Variants in UGT2A1 observed in about 807,000 individuals in gnomAD.
The protein encoded by UGT2A1 is UDP-glucuronosyltransferase 2A1.
A neutral mutation model predicts 45.4 loss-of-function variants in UGT2A1; 61 were observed. The ratio of observed to expected loss-of-function variants is 1.34; its 90% confidence interval spans 1.09 to 1.66. The LOEUF (loss-of-function observed/expected upper bound fraction) is 1.66, where lower values mean the gene tolerates loss of function less well. Among genes scored for constraint, UGT2A1 ranks in the 40% most tolerant of loss-of-function variants. The pLI is 0.00. For missense variants in UGT2A1, 649 were observed against 574.3 expected (o/e 1.13, Z -1.33); for synonymous variants, 229 against 196.2 (o/e 1.17, Z -1.40).
chr4:69,594,230 T>A (rs917204000), intron 6 of UGT2A1, among the ~76,000 whole-genome samples: 8 of 152,082 alleles, frequency 5.3e-5, no homozygotes, highest in African/African-American at 1.9e-4. Flanking sequence ...ACCCTCAGCC[T>A]CCCAAAGTGC....
At position 69,589,384 on chromosome 4, in the gene UGT2A1, TTTC is replaced by T; in HGVS notation, c.1569_1571del (p.Lys525del). ...TCTTTTTCTTGACCTATTCTCTTTTTTTCTTCTTTCCTATCTTACCAAATTTTT... is the reference window on the plus strand; with the variant it reads ...TCTTTTTCTTGACCTATTCTCTTTTTTTCTTTCCTATCTTACCAAATTTTT... On this transcript the variant is annotated inframe_deletion, in exon 7 of 7. Coordinates refer to ENST00000286604, the MANE Select transcript of UGT2A1 (RefSeq NM_001252275.3). 2 of 1,611,314 alleles carry T rather than the reference TTTC, an allele frequency of 1.2e-6. No individual in the cohort carries two copies. Among genetic ancestry groups the T allele is most frequent in the South Asian group, 2.2e-5 (2 of 90,770 alleles).
At chr4:69,639,781 T>C (rs1385181446) in intron 2 of UGT2A1, 1 of 840,972 alleles carries the variant, frequency 1.2e-6, no homozygotes, top group Non-Finnish European at 1.7e-6. Context: ...ATAATATAAT[T>C]CAAATTCCTA....
chr4:69,612,017 A>G (rs1157803547), intron 3 of UGT2A1, among the ~76,000 whole-genome samples: 1 of 152,094 alleles, frequency 6.6e-6, no homozygotes, highest in East Asian at 1.9e-4. Flanking sequence ...CTCAGAATTA[A>G]CATAGTCAGC....
At chr4:69,597,715 A>AACACAC (rs71671445) in intron 4 of UGT2A1, among the ~76,000 whole-genome samples, 1,943 of 150,336 alleles carry the variant, frequency 0.013, 37 homozygotes, top group African/African-American at 0.045. Flanking sequence ...TCATTAAAAT[A>AACACAC]ACACACACAC....
At chr4:69,614,156 A>G (rs1720235086) in intron 3 of UGT2A1, among the ~76,000 whole-genome samples, 1 of 151,932 alleles carries the variant, frequency 6.6e-6, no homozygotes, top group Non-Finnish European at 1.5e-5. Context: ...ACATACAAAT[A>G]TCAGTGGCAT....
chr4:69,644,517 A>G (rs1722170830), intron 2 of UGT2A1, among the ~76,000 whole-genome samples: 1 of 151,688 alleles, frequency 6.6e-6, no homozygotes, highest in South Asian at 2.1e-4. Context: ...AGATTTTGCC[A>G]TCTTGACAGT....
intron 3 of UGT2A1, among the ~76,000 whole-genome samples, chr4:69,626,392 G>A (rs1400675258): frequency 2.7e-5 from 4 of 150,778 alleles, no homozygotes; most frequent in African/African-American, 4.9e-5. Context: ...TTTTATATAC[G>A]TATGTATACA....
chr4:69,625,488 T>C (rs980119484), intron 3 of UGT2A1, among the ~76,000 whole-genome samples: 3 of 151,428 alleles, frequency 2.0e-5, no homozygotes, highest in Non-Finnish European at 4.4e-5. Context: ...TTTGTATAGT[T>C]TCTATTACTA....
chr4:69,616,352 T>A (rs1447598792), intron 3 of UGT2A1, among the ~76,000 whole-genome samples: 1 of 151,936 alleles, frequency 6.6e-6, no homozygotes, highest in Non-Finnish European at 1.5e-5. Flanking sequence ...TAATAATTTG[T>A]GTGTTTTAAA....
At chr4:69,638,773 A>T (rs1421024860) in intron 2 of UGT2A1, 1 of 1,203,070 alleles carries the variant, frequency 8.3e-7, no homozygotes, top group African/African-American at 1.5e-5. Context: ...AATTGTTTGT[A>T]CAGAGATATA....
In UGT2A1 at chr4:69,595,238, T is replaced by C. The variant is rs1718852969; in HGVS notation, c.1008A>G (p.Arg336=). 6.2e-7 allele frequency: 1 copy of C among 1,613,770 alleles called. No individual in the cohort carries two copies. The highest frequency in any genetic ancestry group is 1.1e-5 in the South Asian group (1 of 91,080). Residue 336 remains arginine (R), a synonymous_variant, in exon 5 of 7, where the codon AGA becomes AGG. Coordinates refer to ENST00000286604, the MANE Select transcript of UGT2A1 (RefSeq NM_001252275.3). The part of the protein sequence containing the change: ...PAKPLPKVLW[R]YKGKKPATLG... ...ATGTGGCTGGTTTCTTTCCTTTGTA[T>C]CTCCATAAAACCTGTGGAAAATGGT... is the stretch of plus-strand genomic sequence containing the variant.
chr4:69,599,379 A>G lies in UGT2A1; in HGVS notation c.863T>C (p.Leu288Ser). Residue 288 changes from leucine (L) to serine (S), a missense_variant, in exon 4 of 7, where the codon TTA (leucine) becomes TCA (serine). Transcript: ENST00000286604. ...YRLPAGRPTT[L>S]CETMGKAEIW... ...TTCAGCTTTCCCCATAGTCTCACAT[A>G]ACGTAGTGGGTCTTCCTGGAGAAAA... is the stretch of plus-strand genomic sequence containing the variant. 6 of 1,613,648 alleles carry G rather than the reference A, an allele frequency of 3.7e-6. No individual in the cohort carries two copies. The highest frequency in any genetic ancestry group is 1.1e-5 in the South Asian group (1 of 91,014).
At position 69,650,859 on chromosome 4, in the gene UGT2A1, G is replaced by A. The variant is rs1271096456; in HGVS notation, c.-55+2329C>T. Reference sequence around the variant, plus strand: ...CTTCCAGCTTTTTGGGGGGATTAACGGTAGGGTGGAGGATAGGAAAGTCTT... The same window carrying A: ...CTTCCAGCTTTTTGGGGGGATTAACAGTAGGGTGGAGGATAGGAAAGTCTT... On this transcript the variant is annotated intron_variant, in intron 1 of 6. Transcript: ENST00000286604. 1.2e-4 allele frequency among the ~76,000 whole-genome samples: 18 copies of A among 152,192 alleles called. No homozygotes were observed. In the South Asian group the frequency reaches 3.3e-3, roughly 28 times the overall value.
intron 2 of UGT2A1, 100 bp downstream of exon 2, chr4:69,646,830 C>T (rs982972063): frequency 1.2e-6 from 1 of 811,466 alleles, no homozygotes; most frequent in South Asian, 2.0e-5. Flanking sequence ...TACATCAATA[C>T]TTGGAATTAA....
chr4:69,592,758 C>T (rs988484233), intron 6 of UGT2A1, among the ~76,000 whole-genome samples: 2 of 150,908 alleles, frequency 1.3e-5, no homozygotes, highest in South Asian at 4.2e-4. Context: ...AACTGGTGCT[C>T]CAGAAGTAAA....
intron 2 of UGT2A1, among the ~76,000 whole-genome samples, chr4:69,636,542 A>C (rs2109964656): frequency 6.6e-6 from 1 of 152,192 alleles, no homozygotes; most frequent in Admixed American, 6.5e-5. Context: ...TTATTTTGTA[A>C]AGGTGAGAAG....
intron 3 of UGT2A1, among the ~76,000 whole-genome samples, chr4:69,634,323 A>T (rs1296577343): frequency 1.3e-5 from 2 of 152,068 alleles, no homozygotes; most frequent in African/African-American, 4.8e-5. Context: ...AAAGCTACAT[A>T]TAAGAAGGAA....
chr4:69,625,640 C>T (rs1177604045), intron 3 of UGT2A1, among the ~76,000 whole-genome samples: 1 of 150,956 alleles, frequency 6.6e-6, no homozygotes, highest in East Asian at 1.9e-4. Flanking sequence ...TCATTATATG[C>T]TTACTTTTAT....
intron 3 of UGT2A1, among the ~76,000 whole-genome samples, chr4:69,629,333 C>T (rs1052388434): frequency 7.2e-5 from 11 of 151,914 alleles, no homozygotes; most frequent in Non-Finnish European, 1.3e-4. Context: ...TTGTACATTC[C>T]CAAAAAAGAC....
Sources: gnomAD v4.1 joint callset for allele counts (sites outside exome capture counted in the v4.1 genomes callset) on GRCh38, gnomAD v4.1.1 for gene constraint, MANE v1.5 for transcripts, NCBI Gene and HGNC (gene_info 2026-07-23, HGNC 2026-07-21) for gene names.